The following RBFOX1 variants were observed in gnomAD, a reference collection of about 807,000 sequenced individuals.
The protein encoded by RBFOX1 is RNA binding protein fox-1 homolog 1.
A neutral mutation model predicts 57.7 loss-of-function variants in RBFOX1; 8 were observed. The ratio of observed to expected loss-of-function variants is 0.14; its 90% confidence interval spans 0.08 to 0.25. The LOEUF is 0.25. RBFOX1 is among the 10% of genes least tolerant of loss of function. The pLI is 1.00. For synonymous variants in RBFOX1, 326 were observed against 222.4 expected (o/e 1.47, Z -4.15); for missense variants, 611 against 548.5 (o/e 1.11, Z -1.14).
intron 2 of RBFOX1, among the ~76,000 whole-genome samples, chr16:6,582,986 C>A (rs2097558285): frequency 6.6e-6 from 1 of 151,376 alleles, no homozygotes; most frequent in Admixed American, 6.6e-5. Context: ...GGACCTCCCT[C>A]TTCCTCACTC....
intron 4 of RBFOX1, among the ~76,000 whole-genome samples, chr16:7,439,061 C>T (rs182344765): frequency 6.6e-6 from 1 of 151,976 alleles, no homozygotes; most frequent in Admixed American, 6.5e-5. Context: ...GTTGAGCCAA[C>T]GCAGAGTCTC....
intron 2 of RBFOX1, among the ~76,000 whole-genome samples, chr16:5,474,850 G>C (rs2069265992): frequency 6.6e-6 from 1 of 152,146 alleles, no homozygotes; most frequent in Non-Finnish European, 1.5e-5. Flanking sequence ...TACATATTCT[G>C]AGCCCATGCT....
At chr16:7,396,074 C>A (rs536896547) in intron 4 of RBFOX1, among the ~76,000 whole-genome samples, 2 of 152,172 alleles carry the variant, frequency 1.3e-5, no homozygotes, top group South Asian at 4.2e-4. Flanking sequence ...TCTGGATTCC[C>A]CAGGGTGCTC....
At chr16:7,307,644 G>C (rs2096221476) in intron 4 of RBFOX1, among the ~76,000 whole-genome samples, 1 of 152,208 alleles carries the variant, frequency 6.6e-6, no homozygotes, top group Non-Finnish European at 1.5e-5. Context: ...ACAGTTTAGA[G>C]CTGCAAGGTG....
chr16:6,873,751 C>G (rs1603635102), intron 3 of RBFOX1: 1 of 152,126 alleles, frequency 6.6e-6, no homozygotes, highest in African/African-American at 2.4e-5. Flanking sequence ...AAATCAGATC[C>G]ACAAGTGTTA....
At chr16:6,931,944 T>C (rs916397265) in intron 3 of RBFOX1, among the ~76,000 whole-genome samples, 6 of 152,158 alleles carry the variant, frequency 3.9e-5, no homozygotes, top group Non-Finnish European at 8.8e-5. Context: ...ACCAGGGGGC[T>C]GAAGTCATCC....
rs868715178 is a variant in RBFOX1, at chr16:5,813,428, T to C, written c.319-53875T>C. Among the ~76,000 whole-genome samples the C allele has an allele frequency of 7.7e-4, 117 of 152,304 alleles. 1 individual carries two copies. Among genetic ancestry groups the C allele is most frequent in the African/African-American group, 2.7e-3 (111 of 41,558 alleles). On this transcript the variant is annotated intron_variant, in intron 3 of 19. Transcript: ENST00000641259. Reference sequence around the variant, plus strand: ...CCCCGGCCCTCAGTAACCACTAATTTACTTTGGTTTTATGTGGTCTATCTA... The same window carrying C: ...CCCCGGCCCTCAGTAACCACTAATTCACTTTGGTTTTATGTGGTCTATCTA...
At chr16:5,951,309 G>C (rs1005775227) in intron 4 of RBFOX1, among the ~76,000 whole-genome samples, 2 of 152,044 alleles carry the variant, frequency 1.3e-5, no homozygotes, top group African/African-American at 2.4e-5. Context: ...TTACCCGGGT[G>C]TGGTGGTGTG....
At chr16:6,953,752 G>A (rs901196111) in intron 3 of RBFOX1, among the ~76,000 whole-genome samples, 1 of 152,154 alleles carries the variant, frequency 6.6e-6, no homozygotes, top group Admixed American at 6.5e-5. Context: ...CATAATGGGT[G>A]TTGGTGCATT....
chr16:5,800,236 T>C (rs1363573836), intron 3 of RBFOX1, among the ~76,000 whole-genome samples: 3 of 152,226 alleles, frequency 2.0e-5, no homozygotes, highest in Non-Finnish European at 2.9e-5. Context: ...TGCTCTGGCA[T>C]GTCCAGTCCA....
intron 4 of RBFOX1, among the ~76,000 whole-genome samples, chr16:5,881,081 G>A (rs940595181): frequency 1.3e-5 from 2 of 152,148 alleles, no homozygotes; most frequent in Non-Finnish European, 2.9e-5. Context: ...ATTTGTTAGA[G>A]GCTAGTGAAA....
chr16:7,375,269 G>A (rs549581814), intron 4 of RBFOX1, among the ~76,000 whole-genome samples: 2 of 152,262 alleles, frequency 1.3e-5, no homozygotes, highest in African/African-American at 2.4e-5. Flanking sequence ...AGACAGGACA[G>A]CCTGATTCCA....
intron 3 of RBFOX1, among the ~76,000 whole-genome samples, chr16:6,894,078 C>A (rs892406416): frequency 2.0e-5 from 3 of 152,082 alleles, no homozygotes; most frequent in African/African-American, 4.8e-5. Flanking sequence ...TAGATAGATA[C>A]TGGATCGATT....
intron 1 of RBFOX1, among the ~76,000 whole-genome samples, chr16:6,136,224 T>G (rs537241248): frequency 4.6e-5 from 7 of 152,258 alleles, no homozygotes; most frequent in Non-Finnish European, 1.0e-4. Context: ...TGTACTTGCT[T>G]CCCCAGCAGT....
At chr16:5,837,489 G>T (rs1197159962) in intron 3 of RBFOX1, among the ~76,000 whole-genome samples, 1 of 151,748 alleles carries the variant, frequency 6.6e-6, no homozygotes, top group Non-Finnish European at 1.5e-5. Context: ...GCCACCCTCT[G>T]CCCTCCTCCA....
chr16:7,223,159 G>T (rs1260692551), intron 4 of RBFOX1, among the ~76,000 whole-genome samples: 1 of 152,218 alleles, frequency 6.6e-6, no homozygotes, highest in African/African-American at 2.4e-5. Flanking sequence ...GAAGCGAAGG[G>T]TTGACCAGCC....
intron 3 of RBFOX1, among the ~76,000 whole-genome samples, chr16:7,017,488 A>G (rs1568385677): frequency 3.3e-5 from 5 of 152,192 alleles, no homozygotes; most frequent in Admixed American, 2.0e-4. Flanking sequence ...CTTGTAAAAT[A>G]TAGCCAGATA....
intron 1 of RBFOX1, among the ~76,000 whole-genome samples, chr16:6,280,192 A>C (rs2076230184): frequency 6.6e-6 from 1 of 152,184 alleles, no homozygotes. Context: ...GGCAGTCTGC[A>C]GGGTGGCATT....
chr16:5,807,540 C>G (rs1420231660), intron 3 of RBFOX1, among the ~76,000 whole-genome samples: 1 of 152,184 alleles, frequency 6.6e-6, no homozygotes, highest in Non-Finnish European at 1.5e-5. Flanking sequence ...AACCAGTTTG[C>G]TAATAGGGCT....
Sources: gnomAD v4.1 joint callset for allele counts (sites outside exome capture counted in the v4.1 genomes callset) on GRCh38, gnomAD v4.1.1 for gene constraint, MANE v1.5 for transcripts, NCBI Gene and HGNC (gene_info 2026-07-23, HGNC 2026-07-21) for gene names.